SPG7: variants seen among roughly 807,000 people sequenced by gnomAD.
The protein encoded by SPG7 is SPG7 matrix AAA peptidase subunit, paraplegin, also known as mitochondrial inner membrane m-AAA protease component paraplegin.
Under a neutral mutation model 81.9 loss-of-function variants are expected in SPG7, and 103 were observed. The ratio of observed to expected loss-of-function variants is 1.26; its 90% CI spans 1.07 to 1.48. The LOEUF is 1.48. Ranked by LOEUF, SPG7 falls within the 40% of genes most tolerant of loss-of-function variation. The pLI is 0.00. For synonymous variants in SPG7, 534 were observed against 444.2 expected (o/e 1.20, Z -2.54); for missense variants, 1,241 against 1,087.3 (o/e 1.14, Z -1.99).
intron 7 of SPG7, chr16:89,531,058 G>T (rs2058335061): frequency 2.2e-5 from 13 of 592,326 alleles, no homozygotes; most frequent in South Asian, 2.1e-4. Flanking sequence ...AGCCGTCCTG[G>T]GCCCTTCATC....
intron 1 of SPG7, among the ~76,000 whole-genome samples, chr16:89,509,953 C>T (rs1364734712): frequency 6.6e-6 from 1 of 151,578 alleles, no homozygotes; most frequent in African/African-American, 2.4e-5. Flanking sequence ...CGTGCCTGGC[C>T]ACTATCGTGA....
At chr16:89,540,271 C>A (rs1341793090) in intron 9 of SPG7, 1 of 152,178 alleles carries the variant, frequency 6.6e-6, no homozygotes, top group Non-Finnish European at 1.5e-5. Flanking sequence ...TAGGAACACA[C>A]ACCTCTTAGG....
At chr16:89,529,310 G>A (rs888374396) in intron 5 of SPG7, 167 bp from the exon 6 acceptor site, 2 of 661,438 alleles carry the variant, frequency 3.0e-6, no homozygotes, top group Admixed American at 4.3e-5. Context: ...GCGAGAATGA[G>A]ACGAGAGAAC....
At position 89,546,991 on chromosome 16, in the gene SPG7, C is replaced by T. The variant is rs78210031; in HGVS notation, c.1552+231C>T. The stretch of plus-strand genomic sequence containing the variant: ...GGGTGGAAAAGCAGACGGTGGTTCC[C>T]GGTCTGTGTTGTTTCCAGAGATAGT... On this transcript the variant is annotated intron_variant, in intron 11 of 16. Coordinates refer to ENST00000645818, the MANE Select transcript of SPG7 (RefSeq NM_003119.4). The T allele has an allele frequency of 6.4e-3, 3,405 of 527,966 alleles. 98 individuals are homozygous for T. The highest frequency in any genetic ancestry group is 0.058 in the African/African-American group (3,071 of 52,600). 32.7% of individuals were successfully genotyped at this position (527,966 alleles called of 1,614,324 possible). A position where few individuals can be genotyped will look rare whatever the true frequency, so the allele number is the denominator to read the frequency against.
chr16:89,531,097 A>G, intron 7 of SPG7: 1 of 520,490 alleles, frequency 1.9e-6, no homozygotes, highest in Non-Finnish European at 3.5e-6. Flanking sequence ...TTTTTCCAGA[A>G]CCACATAAAC....
At chr16:89,550,667 C>T (rs1238770516) in intron 13 of SPG7, 58 bp downstream of exon 13, 11 of 1,185,890 alleles carry the variant, frequency 9.3e-6, no homozygotes, top group East Asian at 2.3e-5. Context: ...TGGGGAGTCC[C>T]GCCTGTGTCT....
chr16:89,523,265 T>A (rs2058214650), intron 3 of SPG7: 1 of 221,248 alleles, frequency 4.5e-6, no homozygotes, highest in Non-Finnish European at 9.2e-6. Flanking sequence ...CATGATATTT[T>A]TAAGTTCTAT....
At chr16:89,556,378 G>A in intron 16 of SPG7, 1 of 291,734 alleles carries the variant, frequency 3.4e-6, no homozygotes, top group Non-Finnish European at 6.3e-6. Flanking sequence ...CTGTGGCAGT[G>A]TTTTCTGTGG....
chr16:89,545,905 T>C (rs1381502660), intron 10 of SPG7: 1 of 450,532 alleles, frequency 2.2e-6, no homozygotes, highest in East Asian at 7.1e-5. Flanking sequence ...CAGGCTGGAG[T>C]GCAGTGCTGC....
At chr16:89,512,513 A>G (rs1053255129) in intron 2 of SPG7, among the ~76,000 whole-genome samples, 1 of 151,900 alleles carries the variant, frequency 6.6e-6, no homozygotes, top group Non-Finnish European at 1.5e-5. Flanking sequence ...GTGTTTCACC[A>G]TCTCAGCCAG....
In SPG7 at chr16:89,536,674, C is replaced by G. The variant is rs868252924; in HGVS notation, c.1324+4038C>G. 4.9e-5 allele frequency: 73 copies of G among 1,500,168 alleles called. 2 individuals are homozygous for G. The South Asian group carries it at 8.3e-4, about 17-fold the overall frequency. The allele number at this position is 1,500,168 out of a possible 1,614,324, so 92.9% of individuals were successfully genotyped here. A position where few individuals can be genotyped will look rare whatever the true frequency, so the allele number is the denominator to read the frequency against. On this transcript the variant is annotated intron_variant, in intron 9 of 16. Transcript: ENST00000645818. ...GCGAGGCAGGCGAGGCGGGTGAGAT[C>G]GGGCGAGGCGGGCGGCTGCGCTGCT...
chr16:89,543,429 G>C (rs899678599), intron 9 of SPG7: 1 of 143,276 alleles, frequency 7.0e-6, no homozygotes, highest in African/African-American at 2.6e-5. Flanking sequence ...TGTAACCTCT[G>C]CTTCCTGGTT....
In SPG7 at chr16:89,546,668, A is replaced by C. The variant is rs754773999; in HGVS notation, c.1460A>C (p.Glu487Ala). 1.9e-6 allele frequency: 3 copies of C among 1,604,206 alleles called. No individual in the cohort carries two copies. The Admixed American group carries it at 5.1e-5, about 27-fold the overall frequency. Reference protein sequence around the residue: ...IDLPTLQERREIFEQHLKSLK... With the variant: ...IDLPTLQERRAIFEQHLKSLK... ...CCCTGGTTCTGGCAGGAGAGGCGGG[A>C]GATTTTTGAGCAGCACCTGAAGAGC... The change falls in exon 11 of 17, where the codon GAG becomes GCG. Residue 487 changes from glutamate to alanine, a missense_variant. Physicochemically the swap from Glu to Ala is moderately radical, Grantham distance 107. Coordinates refer to ENST00000645818, the MANE Select transcript of SPG7 (RefSeq NM_003119.4).
intron 9 of SPG7, among the ~76,000 whole-genome samples, chr16:89,536,102 G>A (rs28695439): frequency 3.2e-5 from 2 of 61,600 alleles, no homozygotes; most frequent in African/African-American, 1.4e-4. Flanking sequence ...CAGTGTGGCC[G>A]CTCTGGTGCT....
intron 13 of SPG7, among the ~76,000 whole-genome samples, chr16:89,550,878 C>A (rs956463352): frequency 6.6e-6 from 1 of 152,128 alleles, no homozygotes; most frequent in African/African-American, 2.4e-5. Context: ...TGGGGTGACT[C>A]GTGGAAGGTT....
rs938363303 is a variant in SPG7, at chr16:89,511,111, C to T, written c.286+519C>T. Among the ~76,000 whole-genome samples the T allele has an allele frequency of 4.6e-5, 7 of 152,130 alleles. 1 individual carries two copies. The highest frequency in any genetic ancestry group is 1.7e-4 in the African/African-American group (7 of 41,428). ...CCTTGGCCTCCCAAAGTGTTGAGATCACAGGCATGAGCCACCGCATCTGGC... is the reference window on the plus strand; with the variant it reads ...CCTTGGCCTCCCAAAGTGTTGAGATTACAGGCATGAGCCACCGCATCTGGC... On this transcript the variant is annotated intron_variant, in intron 2 of 16. Transcript: ENST00000645818.
At chr16:89,549,957 G>A (rs1209305344) in intron 12 of SPG7, 1 of 209,578 alleles carries the variant, frequency 4.8e-6, no homozygotes, top group East Asian at 1.1e-4. Context: ...AGCAGCAGGA[G>A]CTATTTCGAT....
intron 4 of SPG7, among the ~76,000 whole-genome samples, chr16:89,525,841 C>T (rs1444840733): frequency 6.6e-6 from 1 of 152,174 alleles, no homozygotes; most frequent in Non-Finnish European, 1.5e-5. Flanking sequence ...TGCAGCCTCG[C>T]CGGCCTCTGG....
Position 89,532,546 on chromosome 16 carries a change from G to T in SPG7, c.1234G>T (p.Ala412Ser). Residue 412 changes from alanine (A) to serine (S), a missense_variant, in exon 9 of 17, where the codon GCG becomes TCG. Physicochemically the swap from Ala to Ser is moderately conservative, Grantham distance 99 (BLOSUM62 1). Transcript: ENST00000645818. ...CATCGTCTACATCGATGAGATCGAC[G>T]CGGTGGGCAAGAAGCGCTCCACCAC... ...PCIVYIDEIDAVGKKRSTTMS... is the reference protein window; with the variant it reads ...PCIVYIDEIDSVGKKRSTTMS... The T allele has an allele frequency of 6.2e-7, 1 of 1,613,744 alleles. No homozygotes were observed. Among genetic ancestry groups the T allele is most frequent in the Non-Finnish European group, 8.5e-7 (1 of 1,180,044 alleles).
Sources: gnomAD v4.1 joint callset for allele counts (sites outside exome capture counted in the v4.1 genomes callset) on GRCh38, gnomAD v4.1.1 for gene constraint, MANE v1.5 for transcripts, NCBI Gene and HGNC (gene_info 2026-07-23, HGNC 2026-07-21) for gene names.